The following SORBS2 variants were observed in gnomAD, a reference collection of about 807,000 sequenced individuals.
SORBS2 encodes sorbin and SH3 domain-containing protein 2.
Under a neutral mutation model 97.7 loss-of-function variants are expected in SORBS2, and 46 were observed. That is an observed-to-expected ratio of 0.47 (90% CI 0.37 to 0.60). SORBS2 has a LOEUF of 0.60. Ranked by LOEUF, SORBS2 falls within the 20% of genes least tolerant of loss-of-function variation. SORBS2 has a pLI of 0.00. For synonymous variants in SORBS2, 476 were observed against 473.4 expected, an observed-to-expected ratio of 1.01 and a Z score of -0.07; for missense variants, 1,316 against 1,282.3, an observed-to-expected ratio of 1.03 and a Z score of -0.40.
chr4:185,866,818 A>G (rs147510882), intron 1 of SORBS2, among the ~76,000 whole-genome samples: 234 of 152,286 alleles, frequency 1.5e-3, no homozygotes, highest in Non-Finnish European at 2.3e-3. Context: ...GCACCAATAA[A>G]TGTACATTTC....
Position 185,690,618 on chromosome 4 carries a change from GA to G in SORBS2, c.-197-11797del. ...ATTAAAGTCTTCAGTTTTCCTGTAG[GA>G]AAAAAATGGTGCATAATTGTTCACT... is the stretch of plus-strand genomic sequence containing the variant. On this transcript the variant is annotated intron_variant, in intron 2 of 20. Transcript: ENST00000284776. 7.3e-5 allele frequency: 98 copies of G among 1,340,096 alleles called. No homozygotes were observed. Among genetic ancestry groups the G allele is most frequent in the South Asian group, 1.4e-4 (10 of 72,974 alleles). The allele number at this position is 1,340,096 out of a possible 1,614,324, so 83.0% of individuals were successfully genotyped here.
chr4:185,937,106 T>C (rs1264280304), intron 1 of SORBS2, among the ~76,000 whole-genome samples: 2 of 152,202 alleles, frequency 1.3e-5, no homozygotes, highest in African/African-American at 4.8e-5. Flanking sequence ...TATGACATGG[T>C]TTCCTGTCAG....
chr4:185,906,735 T>G (rs1160119627), intron 1 of SORBS2, among the ~76,000 whole-genome samples: 1 of 152,208 alleles, frequency 6.6e-6, no homozygotes. Flanking sequence ...TGGTATTCTA[T>G]CTATACGAAA....
intron 2 of SORBS2, among the ~76,000 whole-genome samples, chr4:185,738,200 C>T (rs369609183): frequency 6.6e-6 from 1 of 152,202 alleles, no homozygotes; most frequent in Non-Finnish European, 1.5e-5. Context: ...AAGCAATTTT[C>T]GTGTAAATGA....
intron 13 of SORBS2, chr4:185,592,824 T>C (rs897046447): frequency 3.3e-5 from 5 of 152,302 alleles, no homozygotes; most frequent in Admixed American, 2.6e-4. Flanking sequence ...ATTTCAGGCA[T>C]AGTGACTGCA....
intron 6 of SORBS2, 118 bp from the exon 19 acceptor site, chr4:185,624,612 T>C: frequency 8.9e-7 from 1 of 1,119,518 alleles, no homozygotes; most frequent in Admixed American, 2.8e-5. Flanking sequence ...AAGCAGTTAG[T>C]GTGTTTTAAT....
At chr4:185,612,785 C>T (rs1043161461) in intron 11 of SORBS2, among the ~76,000 whole-genome samples, 6 of 152,218 alleles carry the variant, frequency 3.9e-5, no homozygotes, top group African/African-American at 9.6e-5. Flanking sequence ...CCACTGTGCC[C>T]GGCCCCTTTT....
intron 1 of SORBS2, among the ~76,000 whole-genome samples, chr4:185,818,881 C>A (rs1328220654): frequency 6.6e-6 from 1 of 151,976 alleles, no homozygotes; most frequent in Non-Finnish European, 1.5e-5. Flanking sequence ...CATGACAAAT[C>A]ATTCCACAAC....
intron 2 of SORBS2, among the ~76,000 whole-genome samples, chr4:185,694,024 C>T (rs542475668): frequency 1.3e-5 from 2 of 152,234 alleles, no homozygotes; most frequent in Non-Finnish European, 2.9e-5. Flanking sequence ...AAGACATTTT[C>T]CAAGTCGTTA....
chr4:185,609,847 A>G (rs1174247543), intron 12 of SORBS2, among the ~76,000 whole-genome samples: 1 of 152,214 alleles, frequency 6.6e-6, no homozygotes, highest in African/African-American at 2.4e-5. Flanking sequence ...CATTATATTT[A>G]TCTTTCTAAA....
chr4:185,612,062 A>C (rs2096547251), intron 11 of SORBS2, 82 bp from the exon 24 acceptor site: 1 of 1,101,798 alleles, frequency 9.1e-7, no homozygotes, highest in Non-Finnish European at 1.3e-6. Flanking sequence ...TCTATGAAAA[A>C]ATAGGTTTCC....
At position 185,852,648 on chromosome 4, in the gene SORBS2, G is replaced by A. The variant is rs377612344; in HGVS notation, c.-337-77282C>T. ...CCACATTCGAGTTGCACTTCAGATG[G>A]AATTTGTGGGCTGCCAAATTCTAGC... On this transcript the variant is annotated intron_variant, in intron 1 of 20. Coordinates refer to the SORBS2 transcript ENST00000284776. Among the ~76,000 whole-genome samples the A allele has an allele frequency of 2.0e-5, 3 of 152,102 alleles. No homozygotes were observed. In the East Asian group the frequency reaches 5.8e-4, roughly 29 times the overall value.
intron 1 of SORBS2, among the ~76,000 whole-genome samples, chr4:185,920,670 T>C (rs1415377852): frequency 6.6e-6 from 1 of 152,180 alleles, no homozygotes; most frequent in East Asian, 1.9e-4. Flanking sequence ...TCTAAAAAAG[T>C]TTACCAGAAA....
At chr4:185,732,959 T>C (rs1329503591) in intron 2 of SORBS2, among the ~76,000 whole-genome samples, 1 of 152,172 alleles carries the variant, frequency 6.6e-6, no homozygotes, top group Non-Finnish European at 1.5e-5. Context: ...GATGCTGCCA[T>C]AAGCCAAGGA....
intron 1 of SORBS2, among the ~76,000 whole-genome samples, chr4:185,864,695 G>C (rs1306300849): frequency 1.3e-5 from 2 of 152,136 alleles, no homozygotes; most frequent in Non-Finnish European, 2.9e-5. Context: ...CAGATTGCTT[G>C]AGGTCAGGAG....
chr4:185,777,056 A>C (rs192661413), intron 1 of SORBS2, among the ~76,000 whole-genome samples: 1 of 152,200 alleles, frequency 6.6e-6, no homozygotes, highest in East Asian at 1.9e-4. Context: ...GCCATGTGAA[A>C]AAAAAGGGTT....
At chr4:185,949,480 C>T (rs2099276120) in intron 1 of SORBS2, among the ~76,000 whole-genome samples, 1 of 151,932 alleles carries the variant, frequency 6.6e-6, no homozygotes, top group African/African-American at 2.4e-5. Flanking sequence ...TCATCAACTA[C>T]CAAAATGGTG....
chr4:185,872,732 G>C (rs1207514673), intron 1 of SORBS2, among the ~76,000 whole-genome samples: 1 of 152,238 alleles, frequency 6.6e-6, no homozygotes, highest in Non-Finnish European at 1.5e-5. Context: ...GGGAGAAAGA[G>C]GGAGGGAGGA....
chr4:185,953,417 A>G lies in SORBS2; in HGVS notation c.-338+2779T>C, dbSNP rs147759827. ...GGCATCATTTTGGTCTGGTATTTCCACCCTTCCTTTGGAAAAATCTCTCTT... is the reference window on the plus strand; with the variant it reads ...GGCATCATTTTGGTCTGGTATTTCCGCCCTTCCTTTGGAAAAATCTCTCTT... On this transcript the variant is annotated intron_variant, in intron 1 of 20. Transcript: ENST00000284776. Among the ~76,000 whole-genome samples the G allele has an allele frequency of 7.9e-3, 1,203 of 152,180 alleles. 14 individuals are homozygous for G. The highest frequency in any genetic ancestry group is 0.027 in the African/African-American group (1,138 of 41,538).
Sources: gnomAD v4.1 joint callset for allele counts (sites outside exome capture counted in the v4.1 genomes callset) on GRCh38, gnomAD v4.1.1 for gene constraint, MANE v1.5 for transcripts, NCBI Gene and HGNC (gene_info 2026-07-23, HGNC 2026-07-21) for gene names.